The following SPATS1 variants were observed in gnomAD, a reference collection of about 807,000 sequenced individuals.
SPATS1 encodes the protein spermatogenesis-associated serine-rich protein 1.
A neutral mutation model predicts 33.6 loss-of-function variants in SPATS1; 23 were observed. That is an observed-to-expected ratio of 0.68 (90% CI 0.49 to 0.97). SPATS1 has a LOEUF of 0.97. Among genes scored for constraint, SPATS1 ranks in the 50% least tolerant of loss-of-function variants. The pLI is 0.00. For missense variants in SPATS1, 327 were observed against 361.0 expected (o/e 0.91, Z 0.76); for synonymous variants, 131 against 125.6 (o/e 1.04, Z -0.29).
At chr6:44,347,669 G>A (rs950880337) in intron 2 of SPATS1, among the ~76,000 whole-genome samples, 2 of 152,068 alleles carry the variant, frequency 1.3e-5, no homozygotes, top group African/African-American at 4.8e-5. Flanking sequence ...GGATAAGAAA[G>A]GATTAATTTT....
intron 5 of SPATS1, among the ~76,000 whole-genome samples, chr6:44,363,300 A>G (rs1789036694): frequency 6.6e-6 from 1 of 151,954 alleles, no homozygotes; most frequent in Non-Finnish European, 1.5e-5. Context: ...ATGTGCCACC[A>G]TGCCCGGCTG....
At chr6:44,345,332 G>C (rs1787810860) in intron 2 of SPATS1, among the ~76,000 whole-genome samples, 1 of 152,098 alleles carries the variant, frequency 6.6e-6, no homozygotes, top group Non-Finnish European at 1.5e-5. Context: ...CATCAGACAA[G>C]CTTTCCCCAT....
chr6:44,355,126 C>T lies in SPATS1; in HGVS notation c.287+2253C>T, dbSNP rs1412586088. ...CTGCTCCCAGCACATTATGGTTTCA[C>T]TGTCCTAAAAAATCCTGTGTGTTCC... On this transcript the variant is annotated intron_variant, in intron 3 of 8. Coordinates refer to ENST00000674044, the MANE Select transcript of SPATS1 (RefSeq NM_001372081.1). 2.0e-5 allele frequency among the ~76,000 whole-genome samples: 3 copies of T among 152,332 alleles called. No homozygotes were observed. In the East Asian group the frequency reaches 5.8e-4, roughly 29 times the overall value.
intron 2 of SPATS1, 178 bp downstream of exon 2, chr6:44,343,412 G>C (rs190912156): frequency 1.4e-6 from 1 of 738,108 alleles, no homozygotes; most frequent in East Asian, 2.8e-5. Flanking sequence ...GATTTGATTA[G>C]GCAGAGAGCA....
chr6:44,343,305 G>C, intron 2 of SPATS1, 71 bp downstream of exon 2: 1 of 1,556,394 alleles, frequency 6.4e-7, no homozygotes, highest in Non-Finnish European at 8.8e-7. Context: ...GGGGGCGGGG[G>C]CAGGTGGGGG....
At chr6:44,348,937 C>A (rs1756825399) in intron 2 of SPATS1, among the ~76,000 whole-genome samples, 1 of 152,184 alleles carries the variant, frequency 6.6e-6, no homozygotes, top group African/African-American at 2.4e-5. Context: ...TTGAGACCAG[C>A]TTGGCCAACA....
intron 5 of SPATS1, among the ~76,000 whole-genome samples, chr6:44,364,739 T>TTTTCTTTCTGTC (rs1789137286): frequency 6.6e-6 from 1 of 151,908 alleles, no homozygotes. Context: ...TTCTTTCTTT[T>TTTTCTTTCTGTC]TTTCTTTCTG....
intron 1 of SPATS1, 107 bp downstream of exon 1, chr6:44,342,875 C>A: frequency 1.5e-6 from 2 of 1,301,070 alleles, no homozygotes; most frequent in East Asian, 2.9e-5. Flanking sequence ...GGGGCTGCAG[C>A]GAGCCTGGTT....
Position 44,368,467 on chromosome 6 carries a change from A to G in SPATS1, c.663A>G (p.Ala221=), listed in dbSNP as rs755687718. The G allele has an allele frequency of 6.2e-7, 1 of 1,613,230 alleles. No individual in the cohort carries two copies. The highest frequency in any genetic ancestry group is 1.1e-5 in the South Asian group (1 of 90,942). The change falls in exon 6 of 9, where the codon GCA becomes GCG. Residue 221 remains alanine (A), a synonymous_variant. Transcript: ENST00000674044. The part of the protein sequence containing the change: ...YPEQSKGFHK[A]GSMLPPVNFS... Reference sequence around the variant, plus strand: ...AACAGAGTAAAGGCTTCCACAAAGCAGGATCAATGCTCCCACCAGTGAATT... The same window carrying G: ...AACAGAGTAAAGGCTTCCACAAAGCGGGATCAATGCTCCCACCAGTGAATT...
At chr6:44,353,107 G>T (rs1310064250) in intron 3 of SPATS1, among the ~76,000 whole-genome samples, 1 of 152,212 alleles carries the variant, frequency 6.6e-6, no homozygotes, top group Non-Finnish European at 1.5e-5. Context: ...TTATAGGATT[G>T]TTGTGAGGAT....
chr6:44,347,765 G>A (rs932408056), intron 2 of SPATS1, among the ~76,000 whole-genome samples: 1 of 151,918 alleles, frequency 6.6e-6, no homozygotes, highest in Admixed American at 6.5e-5. Context: ...AATGCCACTT[G>A]TTTTCATATA....
chr6:44,361,268 A>G, intron 4 of SPATS1: 2 of 862,218 alleles, frequency 2.3e-6, no homozygotes, highest in Non-Finnish European at 2.8e-6. Context: ...GTATCAGATG[A>G]TGAAACAAAG....
chr6:44,351,137 A>G (rs1044904651), intron 2 of SPATS1, among the ~76,000 whole-genome samples: 1 of 150,550 alleles, frequency 6.6e-6, no homozygotes, highest in Non-Finnish European at 1.5e-5. Flanking sequence ...AAAAAAAAAA[A>G]AAAAAAAGAA....
rs1249329525 is a variant in SPATS1 at position 44,378,655 on chromosome 6, C to T, written c.*1592C>T. On this transcript the variant is annotated 3_prime_UTR_variant, in exon 9 of 9. Transcript: ENST00000674044. ...GCAAGATGGTGGGCACCTGTAATCC[C>T]TGGTACTCGGGAGGCTGAGGCAGGA... The T allele has an allele frequency of 6.6e-6, 1 of 152,340 alleles. No homozygotes were observed. Among genetic ancestry groups the T allele is most frequent in the Non-Finnish European group, 1.5e-5 (1 of 68,220 alleles). The allele number at this position is 152,340 out of a possible 1,614,324, so 9.4% of individuals were successfully genotyped here. A position where few individuals can be genotyped will look rare whatever the true frequency, so the allele number is the denominator to read the frequency against.
intron 7 of SPATS1, among the ~76,000 whole-genome samples, chr6:44,370,960 G>C (rs1371360231): frequency 6.7e-6 from 1 of 150,202 alleles, no homozygotes; most frequent in Admixed American, 6.7e-5. Flanking sequence ...CAATTAGTCT[G>C]GTTTTCCTAA....
At position 44,377,586 on chromosome 6, in the gene SPATS1, G is replaced by A. The variant is rs555491239; in HGVS notation, c.*523G>A. The A allele has an allele frequency of 8.4e-4, 136 of 161,172 alleles. 2 individuals carry two copies. In the South Asian group the frequency reaches 0.012, roughly 14 times the overall value. 10.0% of individuals were successfully genotyped at this position (161,172 alleles called of 1,614,324 possible). A position where few individuals can be genotyped will look rare whatever the true frequency, so the allele number is the denominator to read the frequency against. On this transcript the variant is annotated 3_prime_UTR_variant, in exon 9 of 9. Coordinates refer to ENST00000674044, the MANE Select transcript of SPATS1 (RefSeq NM_001372081.1). ...CATAAAATACAGACATGATGTGAGT[G>A]TCTTAGCCTGTTCAGGCTGCTATAA...
intron 7 of SPATS1, among the ~76,000 whole-genome samples, chr6:44,371,829 C>G (rs1391703735): frequency 1.3e-5 from 2 of 151,248 alleles, no homozygotes; most frequent in Non-Finnish European, 2.9e-5. Context: ...CCTGTGGTCC[C>G]AGCTACTCGG....
At chr6:44,349,824 T>C (rs990401578) in intron 2 of SPATS1, among the ~76,000 whole-genome samples, 3 of 152,220 alleles carry the variant, frequency 2.0e-5, no homozygotes, top group African/African-American at 7.2e-5. Context: ...TTTAGAAGTG[T>C]GGTTTGAGTT....
intron 3 of SPATS1, among the ~76,000 whole-genome samples, chr6:44,358,424 A>T (rs1266129471): frequency 6.6e-6 from 1 of 152,176 alleles, no homozygotes; most frequent in Non-Finnish European, 1.5e-5. Flanking sequence ...ATAATGCTCT[A>T]TTATTGTAAT....
Sources: allele counts gnomAD v4.1 joint callset (sites outside exome capture counted in the v4.1 genomes callset), GRCh38; gene constraint gnomAD v4.1.1; transcripts MANE v1.5; gene names NCBI Gene and HGNC (gene_info 2026-07-23, HGNC 2026-07-21).